Variants in F11R observed in about 807,000 individuals in gnomAD.
F11R encodes the protein junctional adhesion molecule A.
In F11R, 27 loss-of-function variants were observed where a neutral mutation model predicts 39.3. The ratio of observed to expected loss-of-function variants is 0.69; its 90% CI spans 0.51 to 0.95. The LOEUF (loss-of-function observed/expected upper bound fraction) is 0.95, where lower values mean the gene tolerates loss of function less well. Among genes scored for constraint, F11R ranks in the 40% least tolerant of loss-of-function variants. The pLI is 0.00. For missense variants in F11R, 335 were observed against 372.7 expected (o/e 0.90, Z 0.83); for synonymous variants, 131 against 144.9 (o/e 0.90, Z 0.69).
intron 1 of F11R, among the ~76,000 whole-genome samples, chr1:161,003,099 A>G (rs2481077): frequency 0.82 from 119,747 of 146,410 alleles, 49,022 homozygotes; most frequent in African/African-American, 0.88. Context: ...ACAGGCGCTT[A>G]CCACCATGCC....
intron 1 of F11R, among the ~76,000 whole-genome samples, chr1:161,016,698 A>G (rs1649484399): frequency 1.3e-5 from 2 of 152,106 alleles, no homozygotes; most frequent in Admixed American, 1.3e-4. Context: ...GCAAAGACTA[A>G]AGGACACTGA....
In F11R at chr1:161,000,717, C is replaced by T. The variant is rs1322156774; in HGVS notation, c.302G>A (p.Arg101Gln). The T allele has an allele frequency of 2.5e-6, 4 of 1,614,126 alleles. No homozygotes were observed. Among genetic ancestry groups the T allele is most frequent in the Admixed American group, 1.7e-5 (1 of 60,016 alleles). Residue 101 changes from arginine (R) to glutamine (Q), a missense_variant, in exon 4 of 10, where the codon CGG becomes CAG. Coordinates refer to ENST00000368026, the MANE Select transcript of F11R (RefSeq NM_016946.6). ...PTGITFKSVT[R>Q]EDTGTYTCMV... The stretch of plus-strand genomic sequence containing the variant: ...ACAAGTGTATGTCCCAGTGTCTTCC[C>T]GTGTCACGGACTTGAAGGTGATACC...
At chr1:161,005,167 A>AATAATAAT (rs1648730660) in intron 1 of F11R, among the ~76,000 whole-genome samples, 1 of 145,144 alleles carries the variant, frequency 6.9e-6, no homozygotes, top group Non-Finnish European at 1.5e-5. Flanking sequence ...CTCAAAAATA[A>AATAATAAT]AATAATAATA....
At position 161,001,036 on chromosome 1, in the gene F11R, A is replaced by C. The variant is rs967400279; in HGVS notation, c.225T>G (p.Tyr75Ter). 6.2e-7 allele frequency: 1 copy of C among 1,614,092 alleles called. No individual in the cohort carries two copies. Among genetic ancestry groups the C allele is most frequent in the Non-Finnish European group, 8.5e-7 (1 of 1,179,924 alleles). The change falls in exon 3 of 10, where the codon TAT becomes TAG. Residue 75 changes from tyrosine to a stop codon, truncating the protein, a stop_gained. Coordinates refer to ENST00000368026, the MANE Select transcript of F11R (RefSeq NM_016946.6). LOFTEE classifies it high-confidence loss of function. Reference protein sequence around the residue: ...DQGDTTRLVCYNNKITASYED... With the variant: ...DQGDTTRLVC The stretch of plus-strand genomic sequence containing the variant: ...GCAACTCACCTGTGATCTTGTTATT[A>C]TAGCAAACGAGTCTGGTGGTGTCTC...
intron 1 of F11R, among the ~76,000 whole-genome samples, chr1:161,010,449 A>AACAAAAACAAAAAC (rs1649087742): frequency 6.6e-6 from 1 of 151,182 alleles, no homozygotes; most frequent in African/African-American, 2.4e-5. Flanking sequence ...ATCAAAAAAA[A>AACAAAAACAAAAAC]AAAAAAAACA....
intron 3 of F11R, 80 bp from the exon 4 acceptor site, chr1:161,000,857 C>T (rs926095946): frequency 3.6e-5 from 57 of 1,561,844 alleles, no homozygotes; most frequent in Non-Finnish European, 4.8e-5. Context: ...ATCCAAGGTA[C>T]GCAAGTGCTC....
At chr1:161,007,502 C>T (rs991060284) in intron 1 of F11R, among the ~76,000 whole-genome samples, 1 of 151,920 alleles carries the variant, frequency 6.6e-6, no homozygotes, top group African/African-American at 2.4e-5. Flanking sequence ...AGCTCTGTTA[C>T]TTACTAGGCT....
intron 1 of F11R, among the ~76,000 whole-genome samples, chr1:161,017,941 C>T (rs529208187): frequency 3.3e-5 from 5 of 152,290 alleles, no homozygotes; most frequent in East Asian, 1.9e-4. Context: ...CCTGCCCACG[C>T]GGAACTCTTC....
chr1:161,001,204 G>A, intron 2 of F11R, 77 bp from the exon 3 acceptor site: 1 of 1,594,440 alleles, frequency 6.3e-7, no homozygotes, highest in South Asian at 1.1e-5. Context: ...CCAAACTGCA[G>A]GCTGGGCTGG....
intron 1 of F11R, among the ~76,000 whole-genome samples, chr1:161,006,900 C>T (rs1305987183): frequency 9.2e-5 from 14 of 152,220 alleles, no homozygotes; most frequent in Admixed American, 9.2e-4. Context: ...TGCGGTGGCT[C>T]ATGCCTGTAA....
chr1:161,007,618 C>G (rs1648899221), intron 1 of F11R, among the ~76,000 whole-genome samples: 1 of 152,152 alleles, frequency 6.6e-6, no homozygotes, highest in Admixed American at 6.6e-5. Flanking sequence ...GAAGGCTAAA[C>G]AAGCTAATAC....
intron 1 of F11R, among the ~76,000 whole-genome samples, chr1:161,019,795 ACT>A (rs1649651899): frequency 6.6e-6 from 1 of 152,094 alleles, no homozygotes; most frequent in African/African-American, 2.4e-5. Context: ...TCCACCCCTA[ACT>A]CTATTGTCAT....
chr1:160,999,477 G>A lies in F11R; in HGVS notation c.803-69C>T, dbSNP rs1039559519. On this transcript the variant is annotated intron_variant, in intron 7 of 9. Coordinates refer to ENST00000368026, the MANE Select transcript of F11R (RefSeq NM_016946.6). ...GACAGCATGGCTTGGGAAGATGGAGGGGCAGGCCCCCAGCTCTTGGTGTTA... is the reference window on the plus strand; with the variant it reads ...GACAGCATGGCTTGGGAAGATGGAGAGGCAGGCCCCCAGCTCTTGGTGTTA... The A allele has an allele frequency of 1.7e-5, 28 of 1,607,268 alleles. 1 individual carries two copies. In the African/African-American group the frequency reaches 1.9e-4, roughly 11 times the overall value.
At chr1:161,000,931 G>T (rs1314439021) in intron 3 of F11R, 89 bp downstream of exon 3, 2 of 1,470,530 alleles carry the variant, frequency 1.4e-6, no homozygotes, top group African/African-American at 1.4e-5. Flanking sequence ...GTGTGCCCTG[G>T]GATAAGGGCA....
At position 161,001,136 on chromosome 1, in the gene F11R, AG is replaced by A. The variant is rs1367480471; in HGVS notation, c.134-10del. On this transcript the variant is annotated splice_polypyrimidine_tract_variant and intron_variant, in intron 2 of 9. Transcript: ENST00000368026. ...ACAGGACAACTTCACAGCTGCAGACAGGGTCAAAATGAGCCGAAGGAAGAAG... is the reference window on the plus strand; with the variant it reads ...ACAGGACAACTTCACAGCTGCAGACAGGTCAAAATGAGCCGAAGGAAGAAG... 1 of 1,613,514 alleles carries A rather than the reference AG, an allele frequency of 6.2e-7. No homozygotes were observed. The highest frequency in any genetic ancestry group is 1.7e-5 in the Admixed American group (1 of 60,016).
chr1:161,012,470 C>T (rs1298194156), intron 1 of F11R, among the ~76,000 whole-genome samples: 1 of 151,160 alleles, frequency 6.6e-6, no homozygotes, highest in Non-Finnish European at 1.5e-5. Context: ...AATAACAAAA[C>T]ATAAAAGAAG....
At chr1:161,002,864 A>G (rs559588104) in intron 1 of F11R, among the ~76,000 whole-genome samples, 1 of 152,098 alleles carries the variant, frequency 6.6e-6, no homozygotes, top group African/African-American at 2.4e-5. Context: ...ATTAGTCCAG[A>G]TAAGTATTCT....
chr1:161,005,006 C>T (rs1179756759), intron 1 of F11R, among the ~76,000 whole-genome samples: 1 of 151,262 alleles, frequency 6.6e-6, no homozygotes, highest in Non-Finnish European at 1.5e-5. Flanking sequence ...AGTAAAAGTA[C>T]AAAAACCAGC....
chr1:161,017,482 G>A (rs1489855431), intron 1 of F11R, among the ~76,000 whole-genome samples: 1 of 152,198 alleles, frequency 6.6e-6, no homozygotes, highest in Non-Finnish European at 1.5e-5. Flanking sequence ...ATGTTTATGT[G>A]TATGCATATC....
Sources: gnomAD v4.1 joint callset for allele counts (sites outside exome capture counted in the v4.1 genomes callset) on GRCh38, gnomAD v4.1.1 for gene constraint, MANE v1.5 for transcripts, NCBI Gene and HGNC (gene_info 2026-07-23, HGNC 2026-07-21) for gene names.